PIBF1: variants seen among roughly 807,000 people sequenced by gnomAD.
The protein encoded by PIBF1 is progesterone immunomodulatory binding factor 1.
In PIBF1, 90 loss-of-function variants were observed where a neutral mutation model predicts 112.5. The observed-to-expected ratio is 0.80, with a 90% CI of 0.67 to 0.95. PIBF1 has a LOEUF of 0.95. Ranked by LOEUF, PIBF1 falls within the 40% of genes least tolerant of loss-of-function variation. The pLI, the probability that PIBF1 is intolerant of heterozygous loss-of-function variation, is 0.00. For synonymous variants in PIBF1, 301 were observed against 288.6 expected, an observed-to-expected ratio of 1.04 and a Z score of -0.44; for missense variants, 915 against 852.3, an observed-to-expected ratio of 1.07 and a Z score of -0.92.
At chr13:72,903,544 C>T (rs1473077887) in intron 11 of PIBF1, among the ~76,000 whole-genome samples, 4 of 152,178 alleles carry the variant, frequency 2.6e-5, no homozygotes, top group Non-Finnish European at 5.9e-5. Context: ...CACGTGTGAT[C>T]ATTTAGCACT....
chr13:72,978,754 C>G (rs1255140989), intron 16 of PIBF1, among the ~76,000 whole-genome samples: 2 of 151,988 alleles, frequency 1.3e-5, no homozygotes, highest in Non-Finnish European at 1.5e-5. Context: ...GGATTAAGAC[C>G]TCTTAGGTGT....
chr13:72,942,953 AT>A (rs1199411363), intron 14 of PIBF1, among the ~76,000 whole-genome samples: 1 of 152,148 alleles, frequency 6.6e-6, no homozygotes, highest in Non-Finnish European at 1.5e-5. Flanking sequence ...GTGAGCCAAG[AT>A]TGTGTCACTG....
At chr13:72,907,636 G>GC (rs2040746394) in intron 11 of PIBF1, among the ~76,000 whole-genome samples, 1 of 151,960 alleles carries the variant, frequency 6.6e-6, no homozygotes, top group Non-Finnish European at 1.5e-5. Flanking sequence ...AAGTGTCAAA[G>GC]CCATATTGAA....
chr13:72,958,951 G>A (rs772606389), intron 14 of PIBF1, among the ~76,000 whole-genome samples: 7 of 152,034 alleles, frequency 4.6e-5, no homozygotes, highest in Non-Finnish European at 1.0e-4. Flanking sequence ...TAGGACTGGG[G>A]CCCACCAGAA....
chr13:72,994,123 GA>G (rs55880175), intron 16 of PIBF1, among the ~76,000 whole-genome samples: 116,165 of 149,992 alleles, frequency 0.77, 45,227 homozygotes, highest in South Asian at 0.85. Context: ...AAAAAAAAAA[GA>G]AAAAAAAAGG....
chr13:72,845,192 G>A (rs1265140257), intron 9 of PIBF1, among the ~76,000 whole-genome samples: 8 of 147,730 alleles, frequency 5.4e-5, no homozygotes, highest in African/African-American at 1.0e-4. Context: ...CCCTGTTTCC[G>A]TGTGTTCTCA....
chr13:72,845,244 G>A (rs1021749139), intron 9 of PIBF1, among the ~76,000 whole-genome samples: 1 of 151,942 alleles, frequency 6.6e-6, no homozygotes, highest in Non-Finnish European at 1.5e-5. Context: ...GTGGTGTTTG[G>A]TTTTCTGTTC....
chr13:72,929,924 A>G (rs1461690861), intron 13 of PIBF1, among the ~76,000 whole-genome samples: 1 of 152,118 alleles, frequency 6.6e-6, no homozygotes, highest in Non-Finnish European at 1.5e-5. Flanking sequence ...CAGTGGCACA[A>G]TCCTAGCTCA....
chr13:72,918,755 A>G (rs1249240079), intron 13 of PIBF1, among the ~76,000 whole-genome samples: 3 of 137,788 alleles, frequency 2.2e-5, no homozygotes, highest in Non-Finnish European at 4.6e-5. Flanking sequence ...CCCAGGCTAG[A>G]GGCAGTGGCA....
intron 17 of PIBF1, among the ~76,000 whole-genome samples, chr13:73,008,132 A>G (rs1344368025): frequency 6.6e-6 from 1 of 152,212 alleles, no homozygotes; most frequent in Non-Finnish European, 1.5e-5. Context: ...CTCTATGCTA[A>G]TGTAATTAAC....
At position 72,833,721 on chromosome 13, in the gene PIBF1, G is replaced by A. The variant is rs183542029; in HGVS notation, c.1098-1522G>A. ...GAGGTGTCTCCCAGTCAGGATACAC[G>A]GGGGTCAGGGACCCACTTGAGGAGG... is the stretch of plus-strand genomic sequence containing the variant. On this transcript the variant is annotated intron_variant, in intron 8 of 17. Coordinates refer to ENST00000326291, the MANE Select transcript of PIBF1 (RefSeq NM_006346.4). Among the ~76,000 whole-genome samples the A allele has an allele frequency of 2.1e-4, 32 of 152,212 alleles. 1 individual carries two copies. The Middle Eastern group carries it at 0.01, about 49-fold the overall frequency.
rs57599910 is a variant in PIBF1 at position 72,790,421 on chromosome 13, TCACA to T, written c.253-1986_253-1983del. Among the ~76,000 whole-genome samples, 1,322 of 135,620 alleles carry T rather than the reference TCACA, an allele frequency of 9.7e-3. 16 individuals carry two copies. Among genetic ancestry groups the T allele is most frequent in the African/African-American group, 0.024 (839 of 34,722 alleles). 89.0% of individuals were successfully genotyped at this position (135,620 alleles called of 152,430 possible). On this transcript the variant is annotated intron_variant, in intron 2 of 17. Transcript: ENST00000326291. ...TCAGTTAGAGTTTAGGAGGAGTCCA[TCACA>T]CACACACACACACACACACACACAC...
chr13:72,979,650 G>A (rs537758454), intron 16 of PIBF1, among the ~76,000 whole-genome samples: 27 of 152,252 alleles, frequency 1.8e-4, no homozygotes, highest in African/African-American at 3.9e-4. Flanking sequence ...TTGGCCGGGC[G>A]TGGTGGCTCA....
At chr13:72,793,124 A>G (rs896113390) in intron 3 of PIBF1, among the ~76,000 whole-genome samples, 1 of 152,206 alleles carries the variant, frequency 6.6e-6, no homozygotes, top group African/African-American at 2.4e-5. Flanking sequence ...GTTTCTTCCT[A>G]AATGTCTTTT....
At chr13:72,928,016 C>CGT (rs2041572640) in intron 13 of PIBF1, among the ~76,000 whole-genome samples, 1 of 53,996 alleles carries the variant, frequency 1.9e-5, no homozygotes, top group Non-Finnish European at 3.8e-5. Context: ...CATATATATA[C>CGT]ATATATATAC....
intron 13 of PIBF1, among the ~76,000 whole-genome samples, chr13:72,919,566 T>G (rs558198962): frequency 6.6e-6 from 1 of 152,330 alleles, no homozygotes; most frequent in South Asian, 2.1e-4. Flanking sequence ...GTAAGAGACT[T>G]ATCAGTAGTA....
chr13:72,883,360 G>C (rs2039719029), intron 10 of PIBF1, among the ~76,000 whole-genome samples: 1 of 152,164 alleles, frequency 6.6e-6, no homozygotes, highest in Non-Finnish European at 1.5e-5. Context: ...GGAGAATGGG[G>C]CATGGGTAAT....
intron 15 of PIBF1, among the ~76,000 whole-genome samples, chr13:72,968,458 A>C (rs1301745114): frequency 6.6e-6 from 1 of 151,116 alleles, no homozygotes; most frequent in Admixed American, 6.6e-5. Flanking sequence ...CCACCACCAC[A>C]GCCGGCTAAT....
intron 2 of PIBF1, among the ~76,000 whole-genome samples, chr13:72,785,528 A>G (rs569418620): frequency 6.6e-6 from 1 of 152,332 alleles, no homozygotes; most frequent in South Asian, 2.1e-4. Flanking sequence ...ATTCAAACCT[A>G]GGAAGTCTAA....
Sources: allele counts gnomAD v4.1 joint callset (sites outside exome capture counted in the v4.1 genomes callset), GRCh38; gene constraint gnomAD v4.1.1; transcripts MANE v1.5; gene names NCBI Gene and HGNC (gene_info 2026-07-23, HGNC 2026-07-21).